The following ITSN2 variants were observed in gnomAD, a reference collection of about 807,000 sequenced individuals.
ITSN2 encodes intersectin 2, also known as intersectin-2.
Under a neutral mutation model 243.7 loss-of-function variants are expected in ITSN2, and 156 were observed. The ratio of observed to expected loss-of-function variants is 0.64; its 90% confidence interval spans 0.56 to 0.73. ITSN2 has a LOEUF of 0.73. ITSN2 is among the 30% of genes least tolerant of loss of function. The pLI is 0.00. For synonymous variants in ITSN2, 703 were observed against 699.9 expected (o/e 1.00, Z -0.07); for missense variants, 1,801 against 1,996.1 (o/e 0.90, Z 1.86).
chr2:24,335,852 G>A (rs1686306431), intron 1 of ITSN2, among the ~76,000 whole-genome samples: 1 of 151,484 alleles, frequency 6.6e-6, no homozygotes, highest in Non-Finnish European at 1.5e-5. Context: ...TGGCCAGGCT[G>A]GTCTCAAACT....
chr2:24,330,375 T>C, intron 1 of ITSN2: 1 of 550,510 alleles, frequency 1.8e-6, no homozygotes, highest in Non-Finnish European at 3.5e-6. Flanking sequence ...TGCCAAGTGC[T>C]TACCTCCTGC....
At chr2:24,296,387 C>A (rs186415609) in intron 13 of ITSN2, among the ~76,000 whole-genome samples, 84 of 152,176 alleles carry the variant, frequency 5.5e-4, no homozygotes, top group African/African-American at 2.0e-3. Flanking sequence ...TGAACTGTGT[C>A]CCCCAAAATT....
chr2:24,284,692 A>T, intron 17 of ITSN2, 71 bp downstream of exon 17: 1 of 874,062 alleles, frequency 1.1e-6, no homozygotes, highest in Non-Finnish European at 1.9e-6. Flanking sequence ...AAAGGCAAAG[A>T]ATAGTCTAGT....
chr2:24,232,673 A>G (rs529976982), intron 29 of ITSN2, among the ~76,000 whole-genome samples: 2 of 152,346 alleles, frequency 1.3e-5, no homozygotes, highest in South Asian at 2.1e-4. Context: ...CGAATAACTG[A>G]TAACAGCTCT....
At chr2:24,220,776 G>C (rs577755019) in intron 30 of ITSN2, 169 bp downstream of exon 30, 1 of 1,417,070 alleles carries the variant, frequency 7.1e-7, no homozygotes, top group Non-Finnish European at 9.2e-7. Context: ...CCGGCAGGCA[G>C]AGACAGCATT....
intron 1 of ITSN2, among the ~76,000 whole-genome samples, chr2:24,340,838 CAGT>C (rs1370895580): frequency 6.6e-6 from 1 of 152,014 alleles, no homozygotes; most frequent in Non-Finnish European, 1.5e-5. Context: ...CTTGTAATGT[CAGT>C]GAATTACATT....
intron 2 of ITSN2, among the ~76,000 whole-genome samples, chr2:24,316,434 C>T (rs938166537): frequency 5.3e-5 from 8 of 152,076 alleles, no homozygotes; most frequent in African/African-American, 1.9e-4. Context: ...GCATGCGCCA[C>T]CACACACCCG....
intron 15 of ITSN2, among the ~76,000 whole-genome samples, chr2:24,290,460 GCTGT>G (rs1195484068): frequency 9.2e-5 from 14 of 151,976 alleles, no homozygotes; most frequent in Non-Finnish European, 4.4e-5. Flanking sequence ...TAGTGTTTAT[GCTGT>G]CTTTCATTAT....
At chr2:24,251,043 A>G (rs1674033296) in intron 25 of ITSN2, among the ~76,000 whole-genome samples, 1 of 151,576 alleles carries the variant, frequency 6.6e-6, no homozygotes, top group African/African-American at 2.4e-5. Context: ...TACAAAAATT[A>G]GCTGGGTGTG....
At chr2:24,330,464 AC>A (rs746848532) in intron 1 of ITSN2, 12 of 655,306 alleles carry the variant, frequency 1.8e-5, no homozygotes, top group Non-Finnish European at 2.9e-5. Flanking sequence ...AGAACGAACC[AC>A]AGAGAAGACC....
chr2:24,263,142 GT>G (rs1467161144), intron 20 of ITSN2, among the ~76,000 whole-genome samples: 1 of 151,942 alleles, frequency 6.6e-6, no homozygotes, highest in East Asian at 1.9e-4. Flanking sequence ...ACTTAATTAT[GT>G]AGCTAATACA....
chr2:24,335,978 A>C (rs1686322775), intron 1 of ITSN2, among the ~76,000 whole-genome samples: 2 of 150,502 alleles, frequency 1.3e-5, no homozygotes, highest in African/African-American at 2.4e-5. Context: ...ATGGTGGCTC[A>C]AGCCTGTAAT....
At chr2:24,290,124 A>G (rs1367863080) in intron 15 of ITSN2, among the ~76,000 whole-genome samples, 1 of 152,200 alleles carries the variant, frequency 6.6e-6, no homozygotes, top group Non-Finnish European at 1.5e-5. Context: ...CACACTTTAA[A>G]TTCTGACAGA....
At chr2:24,232,443 G>A (rs1233100788) in intron 29 of ITSN2, among the ~76,000 whole-genome samples, 2 of 152,110 alleles carry the variant, frequency 1.3e-5, no homozygotes, top group Non-Finnish European at 2.9e-5. Context: ...CGCAGACCTG[G>A]CCCCAGAGAG....
At chr2:24,357,591 T>C (rs1448162628) in intron 1 of ITSN2, among the ~76,000 whole-genome samples, 1 of 152,094 alleles carries the variant, frequency 6.6e-6, no homozygotes, top group Non-Finnish European at 1.5e-5. Flanking sequence ...TCCTGTTTTT[T>C]TTGTAAGAAA....
intron 1 of ITSN2, among the ~76,000 whole-genome samples, chr2:24,346,702 C>A (rs929947799): frequency 6.6e-6 from 1 of 152,012 alleles, no homozygotes; most frequent in Non-Finnish European, 1.5e-5. Context: ...CTACTCGCTC[C>A]ATTTTTCTGT....
At chr2:24,321,085 G>C (rs1295942451) in intron 2 of ITSN2, among the ~76,000 whole-genome samples, 1 of 152,202 alleles carries the variant, frequency 6.6e-6, no homozygotes, top group African/African-American at 2.4e-5. Flanking sequence ...TCATGTTTCT[G>C]TACATCTTCT....
intron 1 of ITSN2, among the ~76,000 whole-genome samples, chr2:24,332,456 C>T (rs1405789925): frequency 6.6e-6 from 1 of 151,760 alleles, no homozygotes; most frequent in Non-Finnish European, 1.5e-5. Flanking sequence ...ATATTACTGG[C>T]AATAAGGGCA....
chr2:24,286,422 GT>G, intron 15 of ITSN2, 71 bp from the exon 16 acceptor site: 6 of 1,351,794 alleles, frequency 4.4e-6, no homozygotes, highest in Non-Finnish European at 4.2e-6. Flanking sequence ...GTCATTTACT[GT>G]TTGGTCAGAT....
Sources: gnomAD v4.1 joint callset for allele counts (sites outside exome capture counted in the v4.1 genomes callset) on GRCh38, gnomAD v4.1.1 for gene constraint, MANE v1.5 for transcripts, NCBI Gene and HGNC (gene_info 2026-07-23, HGNC 2026-07-21) for gene names.